Variants in CREBRF observed in about 807,000 individuals in gnomAD.
CREBRF encodes the protein CREB3 regulatory factor.
A neutral mutation model predicts 66.1 loss-of-function variants in CREBRF; 5 were observed. The ratio of observed to expected loss-of-function variants is 0.08; its 90% CI spans 0.04 to 0.16. The LOEUF (loss-of-function observed/expected upper bound fraction) is 0.16. CREBRF is among the 10% of genes least tolerant of loss of function. CREBRF has a pLI of 1.00. For missense variants in CREBRF, 531 were observed against 744.9 expected (o/e 0.71, Z 3.34); for synonymous variants, 229 against 264.4 (o/e 0.87, Z 1.30).
At position 173,090,878 on chromosome 5, in the gene CREBRF, C is replaced by A; in HGVS notation, c.699C>A (p.Asp233Glu). ...EKVNFHVECK[D>E]YVKKAKVKIN... The stretch of plus-strand genomic sequence containing the variant: ...TGAACTTTCATGTTGAATGTAAAGA[C>A]TATGTAAAAAAGGCAAAGGTAAAGA... The change falls in exon 4 of 9, where the codon GAC (aspartate) becomes GAA (glutamate). Residue 233 changes from aspartate to glutamate, a missense_variant. Around this residue, in one of 5 missense-constraint regions of CREBRF, gnomAD observed 309 missense variants for 341.4 expected, o/e 0.90. Transcript: ENST00000296953. The surrounding 1 kb of genome is among the most constrained non-coding windows in gnomAD (Gnocchi z 4.5). The A allele has an allele frequency of 6.2e-7, 1 of 1,614,084 alleles. No homozygotes were observed. Among genetic ancestry groups the A allele is most frequent in the Non-Finnish European group, 8.5e-7 (1 of 1,180,018 alleles).
At chr5:173,068,796 C>T (rs1354148409) in intron 1 of CREBRF, among the ~76,000 whole-genome samples, 3 of 151,750 alleles carry the variant, frequency 2.0e-5, no homozygotes, top group East Asian at 1.9e-4. Context: ...GGGCCAGGCG[C>T]GGTGGCTCAC....
intron 8 of CREBRF, among the ~76,000 whole-genome samples, chr5:173,129,943 A>C (rs895847370): frequency 5.9e-5 from 9 of 152,074 alleles, no homozygotes; most frequent in African/African-American, 2.2e-4. Context: ...CTCCTGCCTC[A>C]GCCTCCTGAG....
intron 4 of CREBRF, among the ~76,000 whole-genome samples, chr5:173,099,686 C>T (rs1581686808): frequency 6.6e-6 from 1 of 151,882 alleles, no homozygotes; most frequent in African/African-American, 2.4e-5. Context: ...GCTTTGATTC[C>T]TTTTTCTTTA....
intron 4 of CREBRF, among the ~76,000 whole-genome samples, chr5:173,107,901 G>A (rs1211376399): frequency 3.4e-5 from 5 of 147,700 alleles, no homozygotes; most frequent in Middle Eastern, 3.3e-3. Flanking sequence ...GCACAATCTC[G>A]GCTCACTGCA....
At chr5:173,125,577 C>T (rs1316330910) in intron 8 of CREBRF, among the ~76,000 whole-genome samples, 1 of 152,116 alleles carries the variant, frequency 6.6e-6, no homozygotes, top group Non-Finnish European at 1.5e-5. Flanking sequence ...CATTTAAAAA[C>T]ATGGCATCCG....
At chr5:173,130,779 G>T (rs1010127436) in intron 8 of CREBRF, among the ~76,000 whole-genome samples, 32 of 152,132 alleles carry the variant, frequency 2.1e-4, no homozygotes, top group African/African-American at 7.7e-4. Context: ...GCGTGATCTT[G>T]GCTCACTGCA....
chr5:173,123,391 C>A, intron 8 of CREBRF, 189 bp downstream of exon 8: 1 of 499,092 alleles, frequency 2.0e-6, no homozygotes, highest in Non-Finnish European at 3.5e-6. Context: ...GTGACCACAA[C>A]TTGTAATTTA....
chr5:173,078,181 A>G (rs1393781874), intron 1 of CREBRF, among the ~76,000 whole-genome samples: 1 of 152,242 alleles, frequency 6.6e-6, no homozygotes, highest in African/African-American at 2.4e-5. Context: ...GCAAATGCAC[A>G]AGGGCTCTGA....
At chr5:173,078,622 G>A (rs1436192291) in intron 1 of CREBRF, among the ~76,000 whole-genome samples, 2 of 150,492 alleles carry the variant, frequency 1.3e-5, no homozygotes, top group East Asian at 1.9e-4. Context: ...GCAGTGGTGC[G>A]ATCTCGGCTC....
rs1403183354 is a variant in CREBRF, at chr5:173,056,462, C to T, written c.-209C>T. On this transcript the variant is annotated 5_prime_UTR_variant, in exon 1 of 9. Coordinates refer to ENST00000296953, the MANE Select transcript of CREBRF (RefSeq NM_153607.3). ...AGCGGAACCGGACCCAGTCCCTGAG[C>T]CGCCCCTACACCCACAGGTGAGCGC... 2 of 398,488 alleles carry T rather than the reference C, an allele frequency of 5.0e-6. No homozygotes were observed. Among genetic ancestry groups the T allele is most frequent in the Non-Finnish European group, 8.8e-6 (2 of 225,990 alleles). 24.7% of individuals were successfully genotyped at this position (398,488 alleles called of 1,614,324 possible).
chr5:173,110,219 T>G, intron 5 of CREBRF: 1 of 412,042 alleles, frequency 2.4e-6, no homozygotes, highest in Non-Finnish European at 4.6e-6. Flanking sequence ...TTTGAGATGC[T>G]TAGTATGCCA....
intron 7 of CREBRF, among the ~76,000 whole-genome samples, chr5:173,118,430 A>G (rs756515730): frequency 1.3e-5 from 2 of 152,156 alleles, no homozygotes; most frequent in South Asian, 2.1e-4. Flanking sequence ...TCCAGCATTT[A>G]CAAATCTTTT....
rs1758282052 is a variant in CREBRF, at chr5:173,090,064, G to A, written c.136-251G>A. Among the ~76,000 whole-genome samples the A allele has an allele frequency of 6.6e-6, 1 of 152,028 alleles. No individual in the cohort carries two copies. Reference sequence around the variant, plus strand: ...CCCTTGATATTTGGATCATACCTGAGCCTCTCAAGGGACACACTTTCCGTC... The same window carrying A: ...CCCTTGATATTTGGATCATACCTGAACCTCTCAAGGGACACACTTTCCGTC... On this transcript the variant is annotated intron_variant, in intron 3 of 8. Transcript: ENST00000296953. The surrounding 1 kb of genome is among the most constrained non-coding windows in gnomAD (Gnocchi z 4.5).
chr5:173,115,754 G>T (rs766116598), intron 7 of CREBRF, among the ~76,000 whole-genome samples: 2 of 152,012 alleles, frequency 1.3e-5, no homozygotes, highest in East Asian at 3.9e-4. Context: ...ACAGGCACCC[G>T]CCACCACGCC....
At chr5:173,087,438 CT>C (rs1758188072) in intron 3 of CREBRF, among the ~76,000 whole-genome samples, 1 of 152,020 alleles carries the variant, frequency 6.6e-6, no homozygotes, top group Non-Finnish European at 1.5e-5. Flanking sequence ...TGGCTCACGC[CT>C]GTAATCCCAG....
At chr5:173,092,233 A>G (rs1006510345) in intron 4 of CREBRF, 10 of 973,368 alleles carry the variant, frequency 1.0e-5, no homozygotes, top group Middle Eastern at 5.2e-4. Flanking sequence ...CTATTTATGA[A>G]TAATGTAAAA....
Position 173,082,585 on chromosome 5 carries a change from GC to G in CREBRF, c.9+1802del, listed in dbSNP as rs540934420. On this transcript the variant is annotated intron_variant, in intron 2 of 8. Coordinates refer to ENST00000296953, the MANE Select transcript of CREBRF (RefSeq NM_153607.3). The stretch of plus-strand genomic sequence containing the variant: ...TTTAAAAACATTTCTGCAGAAACTT[GC>G]AAAAAAAAAAAAGAAAATACTAAAA... 3.7e-3 allele frequency among the ~76,000 whole-genome samples: 546 copies of G among 148,910 alleles called. 3 individuals are homozygous for G. The highest frequency in any genetic ancestry group is 0.013 in the African/African-American group (523 of 40,536).
intron 4 of CREBRF, among the ~76,000 whole-genome samples, chr5:173,103,627 A>C (rs528497754): frequency 2.2e-4 from 33 of 152,316 alleles, no homozygotes; most frequent in African/African-American, 7.5e-4. Context: ...ACGAGCCTAC[A>C]AAGTTTCAGG....
chr5:173,084,922 T>G (rs3095841), intron 2 of CREBRF, among the ~76,000 whole-genome samples: 73,863 of 151,120 alleles, frequency 0.49, 19,108 homozygotes, highest in Non-Finnish European at 0.58. Flanking sequence ...TGGGATTACA[T>G]GTGTGAGCCA....
Sources: gnomAD v4.1 joint callset for allele counts (sites outside exome capture counted in the v4.1 genomes callset) on GRCh38, gnomAD v4.1.1 for gene constraint, gnomAD v4.1.1 regional missense constraint, Gnocchi (gnomAD v3.1) non-coding constraint, MANE v1.5 for transcripts, NCBI Gene and HGNC (gene_info 2026-07-23, HGNC 2026-07-21) for gene names.